The following LYPLAL1 variants were observed in gnomAD, a reference collection of about 807,000 sequenced individuals.
The protein encoded by LYPLAL1 is lysophospholipase-like protein 1.
In LYPLAL1, 23 loss-of-function variants were observed where a neutral mutation model predicts 19.7. That is an observed-to-expected ratio of 1.17 (90% CI 0.84 to 1.65). LYPLAL1 has a LOEUF of 1.65. Among genes scored for constraint, LYPLAL1 ranks in the 40% most tolerant of loss-of-function variants. LYPLAL1 has a pLI of 0.00. For missense variants in LYPLAL1, 355 were observed against 279.4 expected (o/e 1.27, Z -1.93); for synonymous variants, 119 against 96.3 (o/e 1.24, Z -1.38).
the LYPLAL1 span, among the ~76,000 whole-genome samples, chr1:219,346,378 A>G: frequency 2.0e-5 from 3 of 152,042 alleles, no homozygotes; most frequent in Non-Finnish European, 4.4e-5. Flanking sequence ...ACCGTCTGGG[A>G]GAACTGAGGG....
chr1:219,234,740 C>T, the LYPLAL1 span, among the ~76,000 whole-genome samples: 1 of 151,966 alleles, frequency 6.6e-6, no homozygotes, highest in East Asian at 1.9e-4. Flanking sequence ...TTATATAGGT[C>T]ATTTATATAA....
At chr1:219,193,704 G>A (rs1483459457) in intron 3 of LYPLAL1, among the ~76,000 whole-genome samples, 3 of 151,734 alleles carry the variant, frequency 2.0e-5, no homozygotes, top group Non-Finnish European at 2.9e-5. Flanking sequence ...ACTGTCTTTA[G>A]CAAGCCCTGT....
At chr1:219,394,534 T>C in the LYPLAL1 span, among the ~76,000 whole-genome samples, 2 of 152,192 alleles carry the variant, frequency 1.3e-5, no homozygotes, top group Admixed American at 1.3e-4. Flanking sequence ...ACTTTCTGTC[T>C]CTGTGAATTA....
chr1:219,373,875 AAAAAAAC>A, the LYPLAL1 span, among the ~76,000 whole-genome samples: 1 of 22,534 alleles, frequency 4.4e-5, no homozygotes, highest in African/African-American at 7.0e-5. Context: ...AAAAAAAAAA[AAAAAAAC>A]AAAAAAAAAA....
At chr1:219,245,667 C>A in the LYPLAL1 span, among the ~76,000 whole-genome samples, 1 of 152,072 alleles carries the variant, frequency 6.6e-6, no homozygotes, top group Admixed American at 6.5e-5. Context: ...GTATTGTGTA[C>A]AACTGGAGAA....
chr1:219,185,053 G>C (rs1656616930), intron 2 of LYPLAL1, among the ~76,000 whole-genome samples: 1 of 151,832 alleles, frequency 6.6e-6, no homozygotes, highest in Middle Eastern at 3.4e-3. Flanking sequence ...CTTTTATGAA[G>C]GTTTTGATAA....
At chr1:219,292,554 C>A in the LYPLAL1 span, among the ~76,000 whole-genome samples, 1 of 152,158 alleles carries the variant, frequency 6.6e-6, no homozygotes, top group African/African-American at 2.4e-5. Context: ...GAGTCCCAAA[C>A]CTAAAACTAG....
At chr1:219,419,580 CACACACACACACACAG>C in the LYPLAL1 span, among the ~76,000 whole-genome samples, 6 of 120,136 alleles carry the variant, frequency 5.0e-5, no homozygotes, top group Admixed American at 8.6e-5. Context: ...CACACACACA[CACACACACACACACAG>C]AGAGAGAGAG....
chr1:219,360,965 A>T, the LYPLAL1 span, among the ~76,000 whole-genome samples: 2 of 152,334 alleles, frequency 1.3e-5, no homozygotes, highest in Admixed American at 6.5e-5. Flanking sequence ...ATAAAAAAGA[A>T]GGGAAATGTT....
At chr1:219,210,470 A>T (rs1322341791) in intron 3 of LYPLAL1, 62 bp from the exon 4 acceptor site, 2 of 1,101,436 alleles carry the variant, frequency 1.8e-6, no homozygotes, top group Non-Finnish European at 2.6e-6. Flanking sequence ...GAAAATTGTT[A>T]TATATCATAT....
chr1:219,314,582 C>G, the LYPLAL1 span, among the ~76,000 whole-genome samples: 1 of 151,928 alleles, frequency 6.6e-6, no homozygotes, highest in East Asian at 1.9e-4. Flanking sequence ...ATAGCTGGGC[C>G]TACAGGCGAC....
At chr1:219,218,474 A>G in the LYPLAL1 span, among the ~76,000 whole-genome samples, 1 of 150,220 alleles carries the variant, frequency 6.7e-6, no homozygotes, top group Non-Finnish European at 1.5e-5. Flanking sequence ...AGATTCATAA[A>G]CTTTCTTAAA....
chr1:219,282,913 A>G, the LYPLAL1 span, among the ~76,000 whole-genome samples: 1 of 152,154 alleles, frequency 6.6e-6, no homozygotes, highest in South Asian at 2.1e-4. Context: ...GGTCTAGAGA[A>G]TTATCCACCA....
At chr1:219,393,982 A>G in the LYPLAL1 span, among the ~76,000 whole-genome samples, 1 of 151,882 alleles carries the variant, frequency 6.6e-6, no homozygotes, top group Non-Finnish European at 1.5e-5. Flanking sequence ...TTTTGTATAT[A>G]TGTATTAATT....
chr1:219,391,559 A>G, the LYPLAL1 span, among the ~76,000 whole-genome samples: 11 of 149,478 alleles, frequency 7.4e-5, no homozygotes, highest in African/African-American at 2.7e-4. Flanking sequence ...CAATTGGTAG[A>G]TACATTTAGC....
chr1:219,177,748 T>C (rs1655942729), intron 1 of LYPLAL1, among the ~76,000 whole-genome samples: 1 of 152,230 alleles, frequency 6.6e-6, no homozygotes, highest in Non-Finnish European at 1.5e-5. Context: ...GTTTCCTAAC[T>C]GATCTCTGTA....
chr1:219,200,025 T>G, intron 3 of LYPLAL1: 1 of 232,090 alleles, frequency 4.3e-6, no homozygotes, highest in East Asian at 9.5e-5. Context: ...AGTGAGCCCA[T>G]TATCCCCACA....
At chr1:219,443,944 A>G in the LYPLAL1 span, among the ~76,000 whole-genome samples, 1 of 152,056 alleles carries the variant, frequency 6.6e-6, no homozygotes, top group Non-Finnish European at 1.5e-5. Context: ...AGCAACACTC[A>G]CTCACGCTGG....
In LYPLAL1 at chr1:219,210,671, A is replaced by G. The variant is rs574577369; in HGVS notation, c.477+24A>G. 6.2e-5 allele frequency: 98 copies of G among 1,584,576 alleles called. 1 individual carries two copies. The South Asian group carries it at 7.4e-4, about 12-fold the overall frequency. ...AGGTAAGTTCCAGATTTAAAAAAAA[A>G]TGAAAAAAATATGAAATATATACAT... On this transcript the variant is annotated intron_variant, in intron 4 of 4. Coordinates refer to ENST00000366928, the MANE Select transcript of LYPLAL1 (RefSeq NM_138794.5).
Sources: gnomAD v4.1 joint callset for allele counts (sites outside exome capture counted in the v4.1 genomes callset) on GRCh38, gnomAD v4.1.1 for gene constraint, MANE v1.5 for transcripts, NCBI Gene and HGNC (gene_info 2026-07-23, HGNC 2026-07-21) for gene names.